The following RPS6KC1 variants were observed in gnomAD, a reference collection of about 807,000 sequenced individuals.
RPS6KC1 encodes the protein inactive ribosomal protein S6 kinase delta-1.
A neutral mutation model predicts 103.8 loss-of-function variants in RPS6KC1; 54 were observed. The ratio of observed to expected loss-of-function variants is 0.52; its 90% CI spans 0.42 to 0.65. The LOEUF is 0.65. Among genes scored for constraint, RPS6KC1 ranks in the 30% least tolerant of loss-of-function variants. The pLI, the probability that RPS6KC1 is intolerant of heterozygous loss-of-function variation, is 0.00. For missense variants in RPS6KC1, 1,151 were observed against 1,253.8 expected (o/e 0.92, Z 1.24); for synonymous variants, 439 against 438.7 (o/e 1.00, Z -0.01).
At chr1:213,200,387 G>T (rs949892618) in intron 8 of RPS6KC1, among the ~76,000 whole-genome samples, 23 of 152,126 alleles carry the variant, frequency 1.5e-4, no homozygotes, top group African/African-American at 5.6e-4. Context: ...AATGGGGAAA[G>T]GATTCCCTAT....
intron 6 of RPS6KC1, among the ~76,000 whole-genome samples, chr1:213,165,661 G>A (rs1382029466): frequency 6.6e-6 from 1 of 152,122 alleles, no homozygotes; most frequent in Non-Finnish European, 1.5e-5. Flanking sequence ...CTGACCTCGT[G>A]ATCTGCCCAC....
the RPS6KC1 span, among the ~76,000 whole-genome samples, chr1:213,773,335 C>G: frequency 1.3e-5 from 2 of 151,744 alleles, no homozygotes; most frequent in Non-Finnish European, 2.9e-5. Context: ...CCACTGTCCC[C>G]TCTCAGGAAG....
At chr1:213,558,841 C>T in the RPS6KC1 span, among the ~76,000 whole-genome samples, 1 of 152,208 alleles carries the variant, frequency 6.6e-6, no homozygotes. Flanking sequence ...CTGGCTGTTA[C>T]TGCACCTTGC....
At chr1:213,118,512 G>A (rs997706820) in intron 5 of RPS6KC1, among the ~76,000 whole-genome samples, 1 of 152,090 alleles carries the variant, frequency 6.6e-6, no homozygotes. Context: ...TCTCATTGTA[G>A]TGTTGTTTTT....
At chr1:213,425,016 G>A in the RPS6KC1 span, among the ~76,000 whole-genome samples, 1 of 151,962 alleles carries the variant, frequency 6.6e-6, no homozygotes, top group Non-Finnish European at 1.5e-5. Context: ...AGCTCACATC[G>A]CTGTTCCAGC....
chr1:213,173,483 T>C (rs2091637531), intron 7 of RPS6KC1, among the ~76,000 whole-genome samples: 1 of 152,252 alleles, frequency 6.6e-6, no homozygotes, highest in African/African-American at 2.4e-5. Flanking sequence ...ATTCAAGGCC[T>C]GTGAAAACTG....
intron 3 of RPS6KC1, among the ~76,000 whole-genome samples, chr1:213,090,116 C>G (rs1357666033): frequency 6.6e-6 from 1 of 152,116 alleles, no homozygotes; most frequent in African/African-American, 2.4e-5. Context: ...AGAAAGAGAA[C>G]TGTTTCAGGA....
chr1:213,399,182 T>C, the RPS6KC1 span, among the ~76,000 whole-genome samples: 1 of 152,236 alleles, frequency 6.6e-6, no homozygotes, highest in Non-Finnish European at 1.5e-5. Context: ...GGTTATGCCC[T>C]ATGCAGCAAT....
At chr1:213,067,069 C>A (rs890108217) in intron 1 of RPS6KC1, among the ~76,000 whole-genome samples, 5 of 152,124 alleles carry the variant, frequency 3.3e-5, no homozygotes, top group African/African-American at 4.8e-5. Flanking sequence ...GACCTGAAAG[C>A]CCCCTCCCCA....
Position 213,077,695 on chromosome 1 carries a change from G to C in RPS6KC1, c.142-1G>C, listed in dbSNP as rs368981272. The C allele has an allele frequency of 6.3e-6, 9 of 1,433,954 alleles. No individual in the cohort carries two copies. Among genetic ancestry groups the C allele is most frequent in the Non-Finnish European group, 8.5e-6 (9 of 1,053,892 alleles). The allele number at this position is 1,433,954 out of a possible 1,614,324, so 88.8% of individuals were successfully genotyped here. A position where few individuals can be genotyped will look rare whatever the true frequency, so the allele number is the denominator to read the frequency against. On this transcript the variant is annotated splice_acceptor_variant, in intron 2 of 14. Coordinates refer to ENST00000366960, the MANE Select transcript of RPS6KC1 (RefSeq NM_012424.6). LOFTEE classifies it high-confidence loss of function. ...TACATGTTTAATTTTTTTCTCTCTA[G>C]ATAATTGTATGGAAGAGATACAGTG...
chr1:213,829,228 T>G, the RPS6KC1 span, among the ~76,000 whole-genome samples: 1 of 129,248 alleles, frequency 7.7e-6, no homozygotes, highest in East Asian at 2.4e-4. Context: ...TCCCATGTCA[T>G]GGGTACAGTC....
chr1:213,680,048 G>A, the RPS6KC1 span, among the ~76,000 whole-genome samples: 18 of 152,052 alleles, frequency 1.2e-4, no homozygotes, highest in East Asian at 3.1e-3. Context: ...TTAAATATTT[G>A]TCAAAGAGAC....
chr1:213,458,821 G>C, the RPS6KC1 span, among the ~76,000 whole-genome samples: 6 of 152,122 alleles, frequency 3.9e-5, no homozygotes, highest in African/African-American at 7.2e-5. Context: ...TAGCATGAAG[G>C]GGTGTTGAAT....
At chr1:213,396,921 C>A in the RPS6KC1 span, among the ~76,000 whole-genome samples, 1 of 152,190 alleles carries the variant, frequency 6.6e-6, no homozygotes, top group Non-Finnish European at 1.5e-5. Context: ...ACAGGCTCCA[C>A]GATGGCCAGG....
chr1:213,540,212 A>G, the RPS6KC1 span, among the ~76,000 whole-genome samples: 4 of 152,190 alleles, frequency 2.6e-5, no homozygotes, highest in Non-Finnish European at 5.9e-5. Context: ...TCCTGGGCTC[A>G]AGTAATGTTC....
At chr1:213,465,676 C>CT in the RPS6KC1 span, among the ~76,000 whole-genome samples, 1,684 of 152,232 alleles carry the variant, frequency 0.011, 21 homozygotes, top group Non-Finnish European at 0.017. Context: ...ATACAATTAA[C>CT]TTTTTCTAGT....
chr1:213,373,346 C>T, the RPS6KC1 span, among the ~76,000 whole-genome samples: 20 of 152,222 alleles, frequency 1.3e-4, no homozygotes, highest in Non-Finnish European at 2.2e-4. Context: ...TAGAGCACTA[C>T]GTGCTATTTC....
At chr1:213,784,293 T>G in the RPS6KC1 span, among the ~76,000 whole-genome samples, 4 of 152,228 alleles carry the variant, frequency 2.6e-5, no homozygotes, top group Admixed American at 1.3e-4. Context: ...TCATGGAAGC[T>G]GGGTCCACCA....
At chr1:213,855,505 A>C in the RPS6KC1 span, among the ~76,000 whole-genome samples, 3,831 of 152,242 alleles carry the variant, frequency 0.025, 101 homozygotes, top group African/African-American at 0.066. Flanking sequence ...TCTCCACTGG[A>C]ACAGCTAAAA....
Sources: gnomAD v4.1 joint callset for allele counts (sites outside exome capture counted in the v4.1 genomes callset) on GRCh38, gnomAD v4.1.1 for gene constraint, MANE v1.5 for transcripts, NCBI Gene and HGNC (gene_info 2026-07-23, HGNC 2026-07-21) for gene names.